F5: variants seen among roughly 807,000 people sequenced by gnomAD.
The protein encoded by F5 is coagulation factor V, also known as activated protein c cofactor.
Under a neutral mutation model 216.4 loss-of-function variants are expected in F5, and 138 were observed. The observed-to-expected ratio is 0.64, with a 90% confidence interval of 0.56 to 0.73. The LOEUF is 0.73. Ranked by LOEUF, F5 falls within the 30% of genes least tolerant of loss-of-function variation. The probability of loss-of-function intolerance (pLI) is 0.00; values close to 1 mark genes in which losing one functional copy is unlikely to be tolerated. For synonymous variants in F5, 916 were observed against 930.7 expected (o/e 0.98, Z 0.29); for missense variants, 2,403 against 2,674.0 (o/e 0.90, Z 2.24).
chr1:169,571,373 A>G (rs1055285761), intron 3 of F5, among the ~76,000 whole-genome samples: 3 of 152,162 alleles, frequency 2.0e-5, no homozygotes, highest in African/African-American at 7.2e-5. Context: ...ATTTCAGGCA[A>G]TCTTATGGGT....
At chr1:169,550,820 C>T (rs1030617068) in intron 8 of F5, 81 bp from the exon 9 acceptor site, 30 of 1,058,476 alleles carry the variant, frequency 2.8e-5, no homozygotes, top group South Asian at 1.3e-5. Context: ...TGCATATTCA[C>T]CTTTTGGATG....
chr1:169,527,808 C>T, intron 17 of F5, 107 bp downstream of exon 17: 12 of 1,415,780 alleles, frequency 8.5e-6, no homozygotes, highest in Non-Finnish European at 1.1e-5. Context: ...ACCCTGTGTT[C>T]TGACCCCTTA....
intron 3 of F5, among the ~76,000 whole-genome samples, chr1:169,566,712 A>G (rs1265232816): frequency 6.6e-6 from 1 of 151,994 alleles, no homozygotes; most frequent in Non-Finnish European, 1.5e-5. Flanking sequence ...ATTTAAGATA[A>G]TATAATCCTT....
chr1:169,572,166 G>A, intron 3 of F5, 55 bp downstream of exon 3: 2 of 1,549,044 alleles, frequency 1.3e-6, no homozygotes, highest in South Asian at 1.1e-5. Context: ...TGTTGATGCT[G>A]GTATTAAAGA....
chr1:169,545,366 A>G (rs1254115885), intron 11 of F5, among the ~76,000 whole-genome samples: 1 of 152,214 alleles, frequency 6.6e-6, no homozygotes, highest in Non-Finnish European at 1.5e-5. Context: ...TAAAATATAC[A>G]TTGAATTTCA....
intron 20 of F5, 87 bp from the exon 21 acceptor site, chr1:169,523,439 A>C: frequency 6.9e-7 from 1 of 1,457,354 alleles, no homozygotes; most frequent in Non-Finnish European, 9.5e-7. Flanking sequence ...AGCTTTCTTC[A>C]GAACTAAAGA....
intron 21 of F5, among the ~76,000 whole-genome samples, chr1:169,522,898 G>A (rs1659343652): frequency 6.6e-6 from 1 of 152,212 alleles, no homozygotes; most frequent in Non-Finnish European, 1.5e-5. Context: ...AAGACCAGAT[G>A]TTCTACTCTG....
In F5 at chr1:169,523,373, T is replaced by C. The variant is rs1429436713; in HGVS notation, c.5893-21A>G. ...TCCACCTGCAATATAGGAAAGCCAG[T>C]AAACAGAACTGTCCTTGTCAACAAG... On this transcript the variant is annotated intron_variant, in intron 20 of 24. Transcript: ENST00000367797. 2.5e-6 allele frequency: 4 copies of C among 1,613,670 alleles called. No homozygotes were observed. The Admixed American group carries it at 5.0e-5, about 20-fold the overall frequency.
At chr1:169,569,002 A>G (rs564366318) in intron 3 of F5, among the ~76,000 whole-genome samples, 1 of 152,246 alleles carries the variant, frequency 6.6e-6, no homozygotes, top group African/African-American at 2.4e-5. Flanking sequence ...GGGCGAATCA[A>G]TGCTGACGTT....
intron 8 of F5, 55 bp from the exon 9 acceptor site, chr1:169,550,794 T>G: frequency 7.9e-7 from 1 of 1,270,926 alleles, no homozygotes; most frequent in Non-Finnish European, 1.2e-6. Flanking sequence ...TGACAAATAA[T>G]ATAAGATACT....
At chr1:169,577,560 AATAT>A (rs3035292) in intron 2 of F5, among the ~76,000 whole-genome samples, 3,872 of 54,054 alleles carry the variant, frequency 0.072, 109 homozygotes, top group South Asian at 0.11. Flanking sequence ...GGCTAATTTA[AATAT>A]ATATATATAT....
rs956710030 is a variant in F5 at position 169,540,593 on chromosome 1, A to G, written c.4497T>C (p.Asn1499=). The change falls in exon 13 of 25, where the codon AAT becomes AAC. Residue 1499 remains asparagine (N), a synonymous_variant. Transcript: ENST00000367797. ...TAAATTCCTTTGATAGAAAAGTATCATTGAGAGTAGGAGATGAAGGAGATG... is the reference window on the plus strand; with the variant it reads ...TAAATTCCTTTGATAGAAAAGTATCGTTGAGAGTAGGAGATGAAGGAGATG... ...QMPSPSSPTL[N]DTFLSKEFNP... The G allele has an allele frequency of 9.3e-6, 15 of 1,613,920 alleles. No homozygotes were observed. Among genetic ancestry groups the G allele is most frequent in the Non-Finnish European group, 1.3e-5 (15 of 1,179,986 alleles).
At chr1:169,523,176 G>C in intron 21 of F5, 21 bp downstream of exon 21, 1 of 1,613,522 alleles carries the variant, frequency 6.2e-7, no homozygotes, top group East Asian at 2.2e-5. Flanking sequence ...TAGAGATTCA[G>C]ATAGAAATAT....
rs148623862 is a variant in F5 at position 169,552,695 on chromosome 1, T to C, written c.1158A>G (p.Gln386=). 77 of 1,612,606 alleles carry C rather than the reference T, an allele frequency of 4.8e-5. No individual in the cohort carries two copies. In the African/African-American group the frequency reaches 9.1e-4, roughly 19 times the overall value. ...TAACTTTCTTATAATGTTTTCCAATTTGGTTTGAGAAATTATCCAAATGCT... is the reference window on the plus strand; with the variant it reads ...TAACTTTCTTATAATGTTTTCCAATCTGGTTTGAGAAATTATCCAAATGCT... ...RSQHLDNFSN[Q]IGKHYKKVMY... is the part of the protein sequence containing the mutation. The change falls in exon 8 of 25, where the codon CAA becomes CAG. Residue 386 remains glutamine (Q), a synonymous_variant. Coordinates refer to ENST00000367797, the MANE Select transcript of F5 (RefSeq NM_000130.5).
rs1295977576 is a variant in F5, at chr1:169,586,404, C to T, written c.-18G>A. ...GGGAACATGCTTCCTTTCCTGCTCCCGCTGGCTGCCACCACCCCAGGACCT... is the reference window on the plus strand; with the variant it reads ...GGGAACATGCTTCCTTTCCTGCTCCTGCTGGCTGCCACCACCCCAGGACCT... On this transcript the variant is annotated 5_prime_UTR_variant, in exon 1 of 25. Transcript: ENST00000367797. The T allele has an allele frequency of 2.5e-6, 4 of 1,608,776 alleles. No individual in the cohort carries two copies. In the South Asian group the frequency reaches 4.4e-5, roughly 18 times the overall value.
In F5 at chr1:169,549,789, A is replaced by G; in HGVS notation, c.1611+12T>C. On this transcript the variant is annotated intron_variant, in intron 10 of 24. Transcript: ENST00000367797. ...TCAGAATTTCTGAAAGGTTACTTCA[A>G]GGACAAAATACCTGTATTCCTCGCC... The G allele has an allele frequency of 1.9e-6, 3 of 1,603,878 alleles. No homozygotes were observed. The highest frequency in any genetic ancestry group is 2.6e-6 in the Non-Finnish European group (3 of 1,170,956).
At chr1:169,530,403 T>C (rs1184355496) in intron 15 of F5, among the ~76,000 whole-genome samples, 1 of 152,226 alleles carries the variant, frequency 6.6e-6, no homozygotes, top group African/African-American at 2.4e-5. Flanking sequence ...TTTTGAAGTA[T>C]ATATACATTG....
At chr1:169,578,207 T>C (rs1050933746) in intron 2 of F5, among the ~76,000 whole-genome samples, 6 of 152,170 alleles carry the variant, frequency 3.9e-5, no homozygotes, top group Non-Finnish European at 7.3e-5. Flanking sequence ...CAGGAAGAGA[T>C]TACATTAAAA....
At chr1:169,525,721 T>G (rs1659429901) in intron 18 of F5, among the ~76,000 whole-genome samples, 180 bp downstream of exon 18, 2 of 152,224 alleles carry the variant, frequency 1.3e-5, no homozygotes, top group African/African-American at 4.8e-5. Context: ...GCTTTTGATC[T>G]GACTGATGTG....
Sources: gnomAD v4.1 joint callset for allele counts (sites outside exome capture counted in the v4.1 genomes callset) on GRCh38, gnomAD v4.1.1 for gene constraint, MANE v1.5 for transcripts, NCBI Gene and HGNC (gene_info 2026-07-23, HGNC 2026-07-21) for gene names.